Variants in SPSB1 observed in about 807,000 individuals in gnomAD.
SPSB1 encodes the protein splA/ryanodine receptor domain and SOCS box containing 1.
SPSB1 carries 8 observed loss-of-function variants against 21.2 expected under a neutral mutation model. The observed-to-expected ratio is 0.38, with a 90% CI of 0.22 to 0.68. The LOEUF (loss-of-function observed/expected upper bound fraction) is 0.68. Among genes scored for constraint, SPSB1 ranks in the 30% least tolerant of loss-of-function variants. SPSB1 has a pLI of 0.53. For missense variants in SPSB1, 242 were observed against 377.8 expected, an observed-to-expected ratio of 0.64 and a Z score of 2.98; for synonymous variants, 169 against 161.7, an observed-to-expected ratio of 1.05 and a Z score of -0.34.
intron 2 of SPSB1, among the ~76,000 whole-genome samples, chr1:9,358,140 C>T (rs1038428719): frequency 2.0e-5 from 3 of 152,192 alleles, no homozygotes; most frequent in Admixed American, 2.0e-4. Context: ...TCCTCCCCCA[C>T]GTCAGCCTTT....
At chr1:9,337,646 G>C (rs978171715) in intron 1 of SPSB1, among the ~76,000 whole-genome samples, 1 of 152,162 alleles carries the variant, frequency 6.6e-6, no homozygotes, top group East Asian at 1.9e-4. Flanking sequence ...GCCTCTCTGG[G>C]GGTGGCATCC....
chr1:9,312,361 C>T (rs1405409132), intron 1 of SPSB1, among the ~76,000 whole-genome samples: 1 of 151,990 alleles, frequency 6.6e-6, no homozygotes, highest in Admixed American at 6.6e-5. Context: ...CAGGGAGTCC[C>T]TGACCTTCCT....
rs1639777236 is a variant in SPSB1 at position 9,324,365 on chromosome 1, G to A, written c.-150+31294G>A. On this transcript the variant is annotated intron_variant, in intron 1 of 2. Coordinates refer to ENST00000328089, the MANE Select transcript of SPSB1 (RefSeq NM_025106.4). The surrounding 1 kb of genome is among the most constrained non-coding windows in gnomAD (Gnocchi z 4.3). ...CGGCTCTGCTCTGGTGAGTTCTGCT[G>A]CGATCCTGTGGCTCAGCACGTGGTA... Among the ~76,000 whole-genome samples the A allele has an allele frequency of 6.6e-6, 1 of 152,166 alleles. No homozygotes were observed. Among genetic ancestry groups the A allele is most frequent in the Admixed American group, 6.5e-5 (1 of 15,280 alleles).
rs1403205824 is a variant in SPSB1, at chr1:9,305,740, A to G, written c.-150+12669A>G. ...TGGGCCACTTGTCATTCATGCTTTT[A>G]TTCAAACATTTGCTGAGCACCTACT... On this transcript the variant is annotated intron_variant, in intron 1 of 2. Coordinates refer to ENST00000328089, the MANE Select transcript of SPSB1 (RefSeq NM_025106.4). This position sits in a 1 kb window ranked among gnomAD's most constrained non-coding sequence, Gnocchi z 4.8. Among the ~76,000 whole-genome samples, 2 of 152,106 alleles carry G rather than the reference A, an allele frequency of 1.3e-5. No homozygotes were observed. The highest frequency in any genetic ancestry group is 4.8e-5 in the African/African-American group (2 of 41,420).
chr1:9,332,763 T>C (rs1403121736), intron 1 of SPSB1, among the ~76,000 whole-genome samples: 1 of 151,854 alleles, frequency 6.6e-6, no homozygotes, highest in Non-Finnish European at 1.5e-5. Context: ...AGTTGAGAGG[T>C]AGAGAGAGGA....
intron 1 of SPSB1, among the ~76,000 whole-genome samples, chr1:9,323,171 A>G (rs996001966): frequency 1.3e-5 from 2 of 152,148 alleles, no homozygotes; most frequent in Non-Finnish European, 2.9e-5. Flanking sequence ...GGGGGTATCC[A>G]TGGGGCCTCT....
At chr1:9,302,464 C>T (rs1354472358) in intron 1 of SPSB1, among the ~76,000 whole-genome samples, 5 of 152,158 alleles carry the variant, frequency 3.3e-5, no homozygotes, top group Non-Finnish European at 7.3e-5. Context: ...AGGATCTGCC[C>T]TCCATGTGGG....
At chr1:9,336,659 G>C (rs11121375) in intron 1 of SPSB1, among the ~76,000 whole-genome samples, 72,500 of 152,110 alleles carry the variant, frequency 0.48, 18,330 homozygotes, top group Middle Eastern at 0.59. Flanking sequence ...GAGTTCACCC[G>C]TGGCGCTGGG....
Position 9,368,414 on chromosome 1 carries a change from C to G in SPSB1, c.*839C>G, listed in dbSNP as rs961545309. On this transcript the variant is annotated 3_prime_UTR_variant, in exon 3 of 3. Transcript: ENST00000328089. ...GGGGGCTCTGCTCCAAGTTCCCTAG[C>G]GGGCCCCTCAGGGAGAAATAGCCTC... 1.3e-5 allele frequency: 2 copies of G among 152,132 alleles called. No homozygotes were observed. The highest frequency in any genetic ancestry group is 2.9e-5 in the Non-Finnish European group (2 of 68,030). The allele number at this position is 152,132 out of a possible 1,614,324, so 9.4% of individuals were successfully genotyped here. A position where few individuals can be genotyped will look rare whatever the true frequency, so the allele number is the denominator to read the frequency against.
intron 1 of SPSB1, among the ~76,000 whole-genome samples, chr1:9,300,096 GAAAT>G (rs1380957073): frequency 6.6e-6 from 1 of 152,118 alleles, no homozygotes; most frequent in Non-Finnish European, 1.5e-5. Flanking sequence ...CAAGCGATGG[GAAAT>G]AAATTCTACT....
chr1:9,357,128 GAT>G (rs1640379794), intron 2 of SPSB1, among the ~76,000 whole-genome samples: 2 of 96,242 alleles, frequency 2.1e-5, no homozygotes, highest in Non-Finnish European at 4.6e-5. Flanking sequence ...TGGATGGATG[GAT>G]GAGTGGATGG....
intron 2 of SPSB1, among the ~76,000 whole-genome samples, chr1:9,357,136 GA>G (rs1640380566): frequency 6.7e-6 from 1 of 149,630 alleles, no homozygotes; most frequent in Non-Finnish European, 1.5e-5. Flanking sequence ...TGGATGAGTG[GA>G]TGGATGGATG....
At chr1:9,295,958 C>T (rs1324822181) in intron 1 of SPSB1, among the ~76,000 whole-genome samples, 1 of 152,092 alleles carries the variant, frequency 6.6e-6, no homozygotes, top group African/African-American at 2.4e-5. Flanking sequence ...GTTATCCTCT[C>T]CCCAGCCCTC....
intron 2 of SPSB1, among the ~76,000 whole-genome samples, chr1:9,361,991 C>T (rs745342021): frequency 5.9e-5 from 9 of 152,232 alleles, no homozygotes; most frequent in South Asian, 2.1e-4. Context: ...TCAGCATTTT[C>T]GAATTTTCTT....
rs1639161918 is a variant in SPSB1 at position 9,293,833 on chromosome 1, C to T, written c.-150+762C>T. On this transcript the variant is annotated intron_variant, in intron 1 of 2. Coordinates refer to ENST00000328089, the MANE Select transcript of SPSB1 (RefSeq NM_025106.4). The surrounding 1 kb of genome is among the most constrained non-coding windows in gnomAD (Gnocchi z 5.1). The stretch of plus-strand genomic sequence containing the variant: ...GGAGGGTGCGGGTCTGCAGGAAGAG[C>T]GGGTGTCTCTGAGAGTGCATCTGCG... 6.6e-6 allele frequency among the ~76,000 whole-genome samples: 1 copy of T among 152,082 alleles called. No homozygotes were observed. The highest frequency in any genetic ancestry group is 1.5e-5 in the Non-Finnish European group (1 of 67,994).
intron 1 of SPSB1, among the ~76,000 whole-genome samples, chr1:9,302,611 G>A (rs1020315035): frequency 1.3e-5 from 2 of 152,180 alleles, no homozygotes; most frequent in African/African-American, 2.4e-5. Context: ...GGACTCGTAC[G>A]AGTGGTCTCC....
intron 1 of SPSB1, among the ~76,000 whole-genome samples, chr1:9,344,100 TA>T (rs1322128332): frequency 6.6e-6 from 1 of 152,166 alleles, no homozygotes; most frequent in African/African-American, 2.4e-5. Flanking sequence ...GATAAGTTTT[TA>T]AAAATTATGG....
intron 1 of SPSB1, among the ~76,000 whole-genome samples, chr1:9,296,134 G>T (rs1256749679): frequency 6.6e-5 from 10 of 152,150 alleles, no homozygotes; most frequent in Admixed American, 6.5e-4. Context: ...ACGTGACTTT[G>T]TTTGAATCCT....
At chr1:9,340,763 T>C (rs1198291739) in intron 1 of SPSB1, among the ~76,000 whole-genome samples, 1 of 152,240 alleles carries the variant, frequency 6.6e-6, no homozygotes, top group Non-Finnish European at 1.5e-5. Flanking sequence ...GCTGCTGTTT[T>C]TTATTTTATG....
Sources: gnomAD v4.1 joint callset for allele counts (sites outside exome capture counted in the v4.1 genomes callset) on GRCh38, gnomAD v4.1.1 for gene constraint, Gnocchi (gnomAD v3.1) non-coding constraint, MANE v1.5 for transcripts, NCBI Gene and HGNC (gene_info 2026-07-23, HGNC 2026-07-21) for gene names.